FAT2: variants seen among roughly 807,000 people sequenced by gnomAD.
FAT2 encodes the protein protocadherin Fat 2.
FAT2 carries 150 observed loss-of-function variants against 295.3 expected under a neutral mutation model. The observed-to-expected ratio is 0.51, with a 90% CI of 0.44 to 0.58. The LOEUF (loss-of-function observed/expected upper bound fraction) is 0.58. Ranked by LOEUF, FAT2 falls within the 20% of genes least tolerant of loss-of-function variation. The pLI is 0.00. For synonymous variants in FAT2, 2,026 were observed against 2,150.3 expected (o/e 0.94, Z 1.60); for missense variants, 4,868 against 5,442.7 (o/e 0.89, Z 3.32).
Position 151,529,360 on chromosome 5 carries a change from C to T in FAT2, c.9844G>A (p.Glu3282Lys). The stretch of plus-strand genomic sequence containing the variant: ...GACAGGAAGTACTTGGGGCTTGTCT[C>T]AAAGTCCAGGCTTGCGTTGACATAC... ...ILYVNASLDF[E>K]TSPKYFLSIE... The change falls in exon 15 of 24, where the codon GAG becomes AAG. Residue 3282 changes from glutamate to lysine, a missense_variant. Glu to Lys is a moderately conservative substitution (Grantham distance 56, BLOSUM62 1). Around this residue, in one of 5 missense-constraint regions of FAT2, gnomAD observed 1,046 missense variants for 1,210.1 expected, o/e 0.86. Transcript: ENST00000261800. The T allele has an allele frequency of 6.2e-7, 1 of 1,614,014 alleles. No homozygotes were observed. The highest frequency in any genetic ancestry group is 8.5e-7 in the Non-Finnish European group (1 of 1,180,026).
chr5:151,567,771 G>T lies in FAT2; in HGVS notation c.1161C>A (p.Thr387=). 1 of 1,614,092 alleles carries T rather than the reference G, an allele frequency of 6.2e-7. No homozygotes were observed. The highest frequency in any genetic ancestry group is 1.1e-5 in the South Asian group (1 of 91,076). Residue 387 remains threonine (T), a synonymous_variant, in exon 2 of 24, where the codon ACC becomes ACA. Coordinates refer to ENST00000261800, the MANE Select transcript of FAT2 (RefSeq NM_001447.3). ...PGSRVVMVRV[T]PAFPNLQYVL... ...CATACTGCAGGTTGGGGAAGGCTGG[G>T]GTGACTCTCACCATCACCACGCGGC...
At chr5:151,537,371 GAAAC>G (rs1317338714) in intron 12 of FAT2, among the ~76,000 whole-genome samples, 12 of 124,876 alleles carry the variant, frequency 9.6e-5, no homozygotes, top group Non-Finnish European at 1.5e-4. Context: ...AGGAAGGAAA[GAAAC>G]AACGAACAAC....
rs1754593560 is a variant in FAT2 at position 151,531,507 on chromosome 5, A to G, written c.9811+80T>C. The G allele has an allele frequency of 1.9e-6, 3 of 1,568,970 alleles. No homozygotes were observed. Among genetic ancestry groups the G allele is most frequent in the Non-Finnish European group, 2.6e-6 (3 of 1,152,244 alleles). ...CTCTGGGAGGCGCTGCACAGGGTAGATACCCACACAGGGGAGGAACCCAGC... is the reference window on the plus strand; with the variant it reads ...CTCTGGGAGGCGCTGCACAGGGTAGGTACCCACACAGGGGAGGAACCCAGC... On this transcript the variant is annotated intron_variant, in intron 14 of 23. Coordinates refer to ENST00000261800, the MANE Select transcript of FAT2 (RefSeq NM_001447.3). This position sits in a 1 kb window ranked among gnomAD's most constrained non-coding sequence, Gnocchi z 5.7.
chr5:151,565,774 A>G lies in FAT2; in HGVS notation c.3158T>C (p.Val1053Ala), dbSNP rs777426611. 7.4e-6 allele frequency: 12 copies of G among 1,614,066 alleles called. No individual in the cohort carries two copies. The East Asian group carries it at 2.5e-4, about 33-fold the overall frequency. ...ACTGTCATCGTCCTGGGCAGCCACT[A>G]CAATCACCTGAGTTCCCGAGGGGCT... ...ENSPSGTQVI[V>A]VAAQDDDSGL... The change falls in exon 2 of 24, where the codon GTA becomes GCA. Residue 1053 changes from valine (V) to alanine (A), a missense_variant. Coordinates refer to ENST00000261800, the MANE Select transcript of FAT2 (RefSeq NM_001447.3).
rs763404568 is a variant in FAT2, at chr5:151,543,168, T to C, written c.7959A>G (p.Glu2653=). 1.9e-6 allele frequency: 3 copies of C among 1,614,158 alleles called. No homozygotes were observed. The Admixed American group carries it at 5.0e-5, about 27-fold the overall frequency. Residue 2653 remains glutamate (E), a synonymous_variant, in exon 10 of 24, where the codon GAA becomes GAG. Transcript: ENST00000261800. The part of the protein sequence containing the change: ...VKVKDSLVGL[E]NQTLDFFIKA... ...TGATGAAGAAGTCAAGGGTCTGATT[T>C]TCCAATCCCACCAGGCTGTCTTTCA...
rs1247674147 is a variant in FAT2, at chr5:151,563,445, C to A, written c.3454G>T (p.Val1152Leu). ...TCCAGTTGAAGCACAGAGGTGCCCA[C>A]GGGAGCATCCTCCTGGATGGAGGGG... is the stretch of plus-strand genomic sequence containing the variant. ...FYPSIQEDAP[V>L]GTSVLQLDAW... Residue 1152 changes from valine to leucine, a missense_variant, in exon 3 of 24, where the codon GTG becomes TTG. Val to Leu is a conservative substitution (Grantham distance 32, BLOSUM62 1). This residue lies in a region of FAT2 where 3,297 missense variants were observed against 3,669.4 expected (regional missense o/e 0.90). Coordinates refer to ENST00000261800, the MANE Select transcript of FAT2 (RefSeq NM_001447.3). 3.1e-6 allele frequency: 5 copies of A among 1,614,200 alleles called. No homozygotes were observed. In the South Asian group the frequency reaches 5.5e-5, roughly 18 times the overall value.
intron 1 of FAT2, among the ~76,000 whole-genome samples, chr5:151,587,166 C>A (rs200991987): frequency 7.5e-5 from 11 of 147,126 alleles, no homozygotes; most frequent in Non-Finnish European, 1.2e-4. Flanking sequence ...CAAAACAAAA[C>A]AAAAAAAAAA....
At chr5:151,547,474 C>T (rs768694337) in intron 9 of FAT2, among the ~76,000 whole-genome samples, 10 of 152,316 alleles carry the variant, frequency 6.6e-5, no homozygotes, top group Middle Eastern at 3.4e-3. Flanking sequence ...TGAGAAAATA[C>T]TGCACTTTAC....
chr5:151,560,214 G>A (rs188723366), intron 3 of FAT2, among the ~76,000 whole-genome samples: 12 of 152,230 alleles, frequency 7.9e-5, no homozygotes, highest in Admixed American at 2.6e-4. Context: ...CCCTTTTGGA[G>A]CTCTCACATG....
chr5:151,559,935 C>G (rs1446825576), intron 3 of FAT2, among the ~76,000 whole-genome samples: 1 of 152,198 alleles, frequency 6.6e-6, no homozygotes, highest in Admixed American at 6.5e-5. Context: ...ACCCCTCTCA[C>G]CCTTCCTGGA....
intron 1 of FAT2, among the ~76,000 whole-genome samples, chr5:151,569,182 G>T (rs1222034585): frequency 6.6e-6 from 1 of 152,138 alleles, no homozygotes; most frequent in Non-Finnish European, 1.5e-5. Flanking sequence ...GTGTGAGTCA[G>T]TTCTCACACT....
chr5:151,550,865 T>C lies in FAT2; in HGVS notation c.4303A>G (p.Ile1435Val). ...TGGTTAATGTTGGCAATCATGAAGA[T>C]GTGGACCTAGGGAGGGAGATGAGGG... ...GSRTIATQVH[I>V]FMIANINHHR... is the part of the protein sequence containing the mutation. Residue 1435 changes from isoleucine to valine, a missense_variant, in exon 8 of 24, where the codon ATC (isoleucine) becomes GTC (valine). Coordinates refer to ENST00000261800, the MANE Select transcript of FAT2 (RefSeq NM_001447.3). 1 of 1,612,780 alleles carries C rather than the reference T, an allele frequency of 6.2e-7. No individual in the cohort carries two copies. The highest frequency in any genetic ancestry group is 8.5e-7 in the Non-Finnish European group (1 of 1,179,846).
At chr5:151,578,451 C>A (rs533603153) in intron 1 of FAT2, among the ~76,000 whole-genome samples, 1 of 152,092 alleles carries the variant, frequency 6.6e-6, no homozygotes, top group East Asian at 1.9e-4. Context: ...TGACTATTAT[C>A]AAAAAGACAA....
intron 2 of FAT2, among the ~76,000 whole-genome samples, chr5:151,564,513 A>T (rs907187795): frequency 1.3e-5 from 2 of 152,270 alleles, no homozygotes; most frequent in Admixed American, 1.3e-4. Context: ...ACAAGTTATT[A>T]CAACTTGGTT....
Position 151,546,190 on chromosome 5 carries a change from A to C in FAT2, c.4937T>G (p.Val1646Gly), listed in dbSNP as rs2127614318. Residue 1646 changes from valine to glycine, a missense_variant, in exon 10 of 24, where the codon GTG (valine) becomes GGG (glycine). Physicochemically the swap from Val to Gly is moderately radical, Grantham distance 109. Coordinates refer to ENST00000261800, the MANE Select transcript of FAT2 (RefSeq NM_001447.3). The part of the protein sequence containing the change: ...GSPQWHDLAT[V>G]IIHVYPSDRS... Reference sequence around the variant, plus strand: ...ATCTGAGGGATAGACATGAATGATCACTGTAGCCAGGTCATGCCATTGTGG... The same window carrying C: ...ATCTGAGGGATAGACATGAATGATCCCTGTAGCCAGGTCATGCCATTGTGG... 6.2e-7 allele frequency: 1 copy of C among 1,614,182 alleles called. No individual in the cohort carries two copies. Among genetic ancestry groups the C allele is most frequent in the South Asian group, 1.1e-5 (1 of 91,082 alleles).
chr5:151,533,393 A>AAAACACACACACACACAC (rs373411098), intron 13 of FAT2, among the ~76,000 whole-genome samples: 1 of 132,114 alleles, frequency 7.6e-6, no homozygotes, highest in Non-Finnish European at 1.6e-5. Flanking sequence ...TGTTATCTCC[A>AAAACACACACACACACAC]ACACACACAC....
At chr5:151,570,658 C>T (rs1004026779) in intron 1 of FAT2, among the ~76,000 whole-genome samples, 3 of 151,690 alleles carry the variant, frequency 2.0e-5, no homozygotes, top group Admixed American at 2.0e-4. Flanking sequence ...CAGGCTGATG[C>T]CTGGCTTGCC....
rs1761413493 is a variant in FAT2 at position 151,512,685 on chromosome 5, ATGT to A, written c.11464-82_11464-80del. ...TGCTAAGAGGCTGCCAGTTCAAAGA[ATGT>A]TGTTTGTATTTTTATGGGTAGGAGG... On this transcript the variant is annotated intron_variant, in intron 20 of 23. Coordinates refer to ENST00000261800, the MANE Select transcript of FAT2 (RefSeq NM_001447.3). The surrounding 1 kb of genome is among the most constrained non-coding windows in gnomAD (Gnocchi z 4.1). 2.3e-6 allele frequency: 3 copies of A among 1,316,822 alleles called. No homozygotes were observed. Among genetic ancestry groups the A allele is most frequent in the South Asian group, 1.5e-5 (1 of 68,788 alleles). The allele number at this position is 1,316,822 out of a possible 1,614,324, so 81.6% of individuals were successfully genotyped here.
rs200773290 is a variant in FAT2 at position 151,507,360 on chromosome 5, T to C, written c.12311A>G (p.Asn4104Ser). The stretch of plus-strand genomic sequence containing the variant: ...GTTGCAGGAGCTGGCACTCAATGGG[T>C]TGAGCTCGATGGCAGGCATGGCTTG... ...DTQAMPAIEL[N>S]PLSASSCNNL... The change falls in exon 23 of 24, where the codon AAC (asparagine) becomes AGC (serine). Residue 4104 changes from asparagine to serine, a missense_variant. Physicochemically the swap from Asn to Ser is conservative, Grantham distance 46. Coordinates refer to ENST00000261800, the MANE Select transcript of FAT2 (RefSeq NM_001447.3). 2 of 1,614,172 alleles carry C rather than the reference T, an allele frequency of 1.2e-6. No individual in the cohort carries two copies. Among genetic ancestry groups the C allele is most frequent in the South Asian group, 2.2e-5 (2 of 91,086 alleles).
Sources: gnomAD v4.1 joint callset for allele counts (sites outside exome capture counted in the v4.1 genomes callset) on GRCh38, gnomAD v4.1.1 for gene constraint, gnomAD v4.1.1 regional missense constraint, Gnocchi (gnomAD v3.1) non-coding constraint, MANE v1.5 for transcripts, NCBI Gene and HGNC (gene_info 2026-07-23, HGNC 2026-07-21) for gene names.